ST3GAL6: variants seen among roughly 807,000 people sequenced by gnomAD.
The protein encoded by ST3GAL6 is ST3 beta-galactoside alpha-2,3-sialyltransferase 6.
ST3GAL6 carries 31 observed loss-of-function variants against 40.5 expected under a neutral mutation model. The ratio of observed to expected loss-of-function variants is 0.77; its 90% CI spans 0.58 to 1.03. The LOEUF (loss-of-function observed/expected upper bound fraction) is 1.03. Ranked by LOEUF, ST3GAL6 falls within the 50% of genes least tolerant of loss-of-function variation. ST3GAL6 has a pLI of 0.00. For missense variants in ST3GAL6, 357 were observed against 393.2 expected (o/e 0.91, Z 0.78); for synonymous variants, 129 against 136.9 (o/e 0.94, Z 0.40).
upstream of ST3GAL6, among the ~76,000 whole-genome samples, chr3:98,762,292 C>CT (rs1937872650): frequency 6.6e-6 from 1 of 152,166 alleles, no homozygotes; most frequent in African/African-American, 2.4e-5. Context: ...ATGTATACAG[C>CT]TGATCTAATT....
chr3:98,744,984 T>C (rs899863789), intron 1 of ST3GAL6, among the ~76,000 whole-genome samples: 4 of 152,088 alleles, frequency 2.6e-5, no homozygotes, highest in African/African-American at 9.7e-5. Context: ...CCTTACTCAT[T>C]GAAAGATCGT....
At chr3:98,752,095 A>G (rs1937049850) in intron 1 of ST3GAL6, among the ~76,000 whole-genome samples, 1 of 152,212 alleles carries the variant, frequency 6.6e-6, no homozygotes, top group South Asian at 2.1e-4. Flanking sequence ...GCTGGGTCCA[A>G]GAATTAAATT....
intron 6 of ST3GAL6, 128 bp downstream of exon 6, chr3:98,785,168 T>TGTG: frequency 1.6e-6 from 1 of 616,280 alleles, no homozygotes. Context: ...TGCACAACCT[T>TGTG]CTCTCTTGGT....
At position 98,734,704 on chromosome 3, in the gene ST3GAL6, T is replaced by C. The variant is rs116879258; in HGVS notation, c.-12+2172T>C. 1.4e-3 allele frequency among the ~76,000 whole-genome samples: 219 copies of C among 152,272 alleles called. 5 individuals carry two copies. The East Asian group carries it at 0.031, about 22-fold the overall frequency. Reference sequence around the variant, plus strand: ...ATCAATAATAATAATAAAAAACCTTTGAGGCTCAAGAATAGACAGTATTGA... The same window carrying C: ...ATCAATAATAATAATAAAAAACCTTCGAGGCTCAAGAATAGACAGTATTGA... On this transcript the variant is annotated intron_variant, in intron 1 of 9. Transcript: ENST00000265261.
In ST3GAL6 at chr3:98,795,576, T is replaced by C. The variant is rs1272104894; in HGVS notation, c.*1815T>C. 1 of 152,028 alleles carries C rather than the reference T, an allele frequency of 6.6e-6. No individual in the cohort carries two copies. The highest frequency in any genetic ancestry group is 1.5e-5 in the Non-Finnish European group (1 of 67,998). The allele number at this position is 152,028 out of a possible 1,614,324, so 9.4% of individuals were successfully genotyped here. On this transcript the variant is annotated 3_prime_UTR_variant, in exon 10 of 10. Coordinates refer to ENST00000483910, the MANE Select transcript of ST3GAL6 (RefSeq NM_001323368.2). ...TGTGGCTGCTGAAGTTCAATTGATATAAAGTAAATCAGGCTTCAAAAAGAA... is the reference window on the plus strand; with the variant it reads ...TGTGGCTGCTGAAGTTCAATTGATACAAAGTAAATCAGGCTTCAAAAAGAA...
chr3:98,786,681 A>AC (rs1559753592), intron 6 of ST3GAL6, among the ~76,000 whole-genome samples: 1 of 149,756 alleles, frequency 6.7e-6, no homozygotes, highest in Non-Finnish European at 1.5e-5. Context: ...TTATGCAATC[A>AC]GGGTTTTTTT....
At chr3:98,788,654 G>T (rs1290631489) in intron 8 of ST3GAL6, among the ~76,000 whole-genome samples, 191 bp downstream of exon 8, 1 of 132,852 alleles carries the variant, frequency 7.5e-6, no homozygotes, top group Non-Finnish European at 1.7e-5. Context: ...GCAAGGAAAT[G>T]TAATTTTAAG....
At chr3:98,768,190 G>A (rs529622494) in intron 1 of ST3GAL6, among the ~76,000 whole-genome samples, 7 of 152,264 alleles carry the variant, frequency 4.6e-5, no homozygotes, top group East Asian at 1.9e-4. Context: ...CTTTGAGACC[G>A]TGGAACTGTT....
At chr3:98,783,640 C>T (rs1226647012) in intron 5 of ST3GAL6, 33 of 985,140 alleles carry the variant, frequency 3.3e-5, no homozygotes, top group Non-Finnish European at 3.9e-5. Context: ...CCTACTGTGA[C>T]ATGAGATGTG....
At position 98,742,816 on chromosome 3, in the gene ST3GAL6, G is replaced by A. The variant is rs574037929; in HGVS notation, c.-12+10284G>A. ...TGGGTTAAGCGATTCTCCTGCCTCA[G>A]CCTTCCAAGTAGCTGGGATACCAGG... On this transcript the variant is annotated intron_variant, in intron 1 of 9. Coordinates refer to the ST3GAL6 transcript ENST00000265261. Among the ~76,000 whole-genome samples the A allele has an allele frequency of 9.9e-5, 15 of 151,262 alleles. No individual in the cohort carries two copies. In the South Asian group the frequency reaches 3.1e-3, roughly 32 times the overall value.
Position 98,793,674 on chromosome 3 carries a change from G to C in ST3GAL6, c.910-1G>C, listed in dbSNP as rs1262265818. 6.4e-7 allele frequency: 1 copy of C among 1,571,738 alleles called. No individual in the cohort carries two copies. Among genetic ancestry groups the C allele is most frequent in the Non-Finnish European group, 8.6e-7 (1 of 1,160,946 alleles). On this transcript the variant is annotated splice_acceptor_variant, in intron 9 of 9. Transcript: ENST00000483910. LOFTEE classifies it high-confidence loss of function. ...ATGGTAATTGTATTTTTCTTCTTTA[G>C]AACGCGTATCACAATGTGACTGCAG...
intron 1 of ST3GAL6, among the ~76,000 whole-genome samples, chr3:98,744,173 A>T (rs1936363259): frequency 1.3e-5 from 2 of 152,204 alleles, no homozygotes; most frequent in African/African-American, 4.8e-5. Flanking sequence ...AGGCAAGGAA[A>T]GATTCCTCTC....
Position 98,763,399 on chromosome 3 carries a change from G to T in ST3GAL6, c.-52G>T. 1 of 1,289,812 alleles carries T rather than the reference G, an allele frequency of 7.8e-7. No homozygotes were observed. The highest frequency in any genetic ancestry group is 1.0e-6 in the Non-Finnish European group (1 of 988,870). The allele number at this position is 1,289,812 out of a possible 1,614,324, so 79.9% of individuals were successfully genotyped here. On this transcript the variant is annotated 5_prime_UTR_variant, in exon 1 of 10. It removes an upstream start codon present in the reference 5' UTR. Coordinates refer to ENST00000483910, the MANE Select transcript of ST3GAL6 (RefSeq NM_001323368.2). ...ATGACGGCCTGTCCAGGGGCTGAATGGACACAGGTGTCAGCAGGGCCACCT... is the reference window on the plus strand; with the variant it reads ...ATGACGGCCTGTCCAGGGGCTGAATTGACACAGGTGTCAGCAGGGCCACCT...
intron 1 of ST3GAL6, among the ~76,000 whole-genome samples, chr3:98,737,188 A>G (rs1054471870): frequency 4.6e-5 from 7 of 152,128 alleles, no homozygotes; most frequent in Non-Finnish European, 8.8e-5. Context: ...AGCTGGGATT[A>G]CAGGCATGCA....
chr3:98,784,932 A>G lies in ST3GAL6; in HGVS notation c.336-13A>G, dbSNP rs999147. ...AGATGGCTCAATCTCTCACTTGTCC[A>G]TCTGTCCAACAGCATACCCTGTAAA... On this transcript the variant is annotated splice_polypyrimidine_tract_variant and intron_variant, in intron 5 of 9. Coordinates refer to ENST00000483910, the MANE Select transcript of ST3GAL6 (RefSeq NM_001323368.2). 0.36 allele frequency: 582,480 copies of G among 1,602,542 alleles called. 107,542 individuals carry two copies. Among genetic ancestry groups the G allele is most frequent in the Middle Eastern group, 0.38 (2,301 of 6,022 alleles).
chr3:98,766,522 A>G (rs1938362709), intron 1 of ST3GAL6, among the ~76,000 whole-genome samples: 1 of 148,666 alleles, frequency 6.7e-6, no homozygotes, highest in African/African-American at 2.5e-5. Context: ...CTTGGGTTCA[A>G]GCAATTCTCT....
chr3:98,768,010 A>T (rs746616860), intron 1 of ST3GAL6, among the ~76,000 whole-genome samples: 2 of 152,238 alleles, frequency 1.3e-5, no homozygotes, highest in African/African-American at 2.4e-5. Context: ...TGAAGAAATG[A>T]AATATTCACA....
upstream of ST3GAL6, among the ~76,000 whole-genome samples, chr3:98,760,643 A>T (rs755413189): frequency 6.6e-6 from 1 of 152,232 alleles, no homozygotes; most frequent in African/African-American, 2.4e-5. Flanking sequence ...AAGCACCAGC[A>T]TGCAATATAA....
chr3:98,746,005 G>A (rs1213640917), intron 1 of ST3GAL6, among the ~76,000 whole-genome samples: 1 of 152,064 alleles, frequency 6.6e-6, no homozygotes, highest in South Asian at 2.1e-4. Context: ...GTGATAGATG[G>A]GTATAATTAT....
Sources: gnomAD v4.1 joint callset for allele counts (sites outside exome capture counted in the v4.1 genomes callset) on GRCh38, gnomAD v4.1.1 for gene constraint, MANE v1.5 for transcripts, NCBI Gene and HGNC (gene_info 2026-07-23, HGNC 2026-07-21) for gene names.